MAGEA11: variants seen among roughly 807,000 people sequenced by gnomAD.
The protein encoded by MAGEA11 is MAGE family member A11, also known as melanoma-associated antigen 11.
Under a neutral mutation model 8.4 loss-of-function variants are expected in MAGEA11, and 1 was observed. The observed-to-expected ratio is 0.12, with a 90% CI of 0.04 to 0.57. The LOEUF (loss-of-function observed/expected upper bound fraction) is 0.57, where lower values mean the gene tolerates loss of function less well. Among genes scored for constraint, MAGEA11 ranks in the 20% least tolerant of loss-of-function variants. The probability of loss-of-function intolerance (pLI) is 0.91; values close to 1 mark genes in which losing one functional copy is unlikely to be tolerated. For missense variants in MAGEA11, 209 were observed against 317.3 expected (o/e 0.66, Z 2.59); for synonymous variants, 127 against 119.3 (o/e 1.06, Z -0.42).
chrX:149,691,872 C>T (rs1297259159), intron 1 of MAGEA11, among the ~76,000 whole-genome samples: 1 of 112,765 alleles, frequency 8.9e-6, no homozygotes, highest in Non-Finnish European at 1.9e-5. Context: ...TTTTCTATCT[C>T]TCATCGCTCA....
In MAGEA11 at chrX:149,692,709, C is replaced by T. The variant is rs72611293; in HGVS notation, c.9+3725C>T. 7.5e-4 allele frequency among the ~76,000 whole-genome samples: 84 copies of T among 111,740 alleles called. No homozygotes were observed. The East Asian group carries it at 0.02, about 27-fold the overall frequency. On this transcript the variant is annotated intron_variant, in intron 1 of 3. Transcript: ENST00000333104. ...TTTTCCACTATATTCTTTAACATGT[C>T]GATATGGTTTGGCTGTGTCCCCACC...
intron 1 of MAGEA11, among the ~76,000 whole-genome samples, chrX:149,701,570 A>G (rs1159163157): frequency 9.1e-6 from 1 of 109,299 alleles, no homozygotes; most frequent in Non-Finnish European, 1.9e-5. Context: ...CTTTAGTTTA[A>G]TTAGATCCCA....
rs1267384373 is a variant in MAGEA11, at chrX:149,716,819, A to G, written c.*43A>G. 8.9e-7 allele frequency: 1 copy of G among 1,118,052 alleles called. No individual in the cohort carries two copies. The highest frequency in any genetic ancestry group is 2.5e-4 in the Middle Eastern group (1 of 3,991). The allele number at this position is 1,118,052 out of a possible 1,213,427, so 92.1% of individuals were successfully genotyped here. A position where few individuals can be genotyped will look rare whatever the true frequency, so the allele number is the denominator to read the frequency against. Reference sequence around the variant, plus strand: ...GGCCAGCGGGCAGGGAAATGGGCCAATGCATGCTTCAGGGCCACACCCAGC... The same window carrying G: ...GGCCAGCGGGCAGGGAAATGGGCCAGTGCATGCTTCAGGGCCACACCCAGC... On this transcript the variant is annotated 3_prime_UTR_variant, in exon 5 of 5. Coordinates refer to ENST00000355220, the MANE Select transcript of MAGEA11 (RefSeq NM_005366.5).
intron 1 of MAGEA11, among the ~76,000 whole-genome samples, chrX:149,706,541 A>G (rs1569561382): frequency 8.9e-6 from 1 of 112,655 alleles, no homozygotes; most frequent in East Asian, 2.8e-4. Flanking sequence ...TTTATTATTT[A>G]CCAACCCCTA....
At chrX:149,701,757 A>G (rs1279310963) in intron 1 of MAGEA11, among the ~76,000 whole-genome samples, 1 of 111,162 alleles carries the variant, frequency 9.0e-6, no homozygotes, top group Non-Finnish European at 1.9e-5. Flanking sequence ...GGTGTAAGGA[A>G]GGGATCCAGT....
chrX:149,700,993 C>CTT (rs2090350587), intron 1 of MAGEA11, among the ~76,000 whole-genome samples: 1 of 108,608 alleles, frequency 9.2e-6, no homozygotes, highest in African/African-American at 3.4e-5. Flanking sequence ...GGTTCCAAGT[C>CTT]TTTGCTATTG....
At position 149,715,677 on chromosome X, in the gene MAGEA11, T is replaced by C; in HGVS notation, c.266T>C (p.Val89Ala). 8.3e-7 allele frequency: 1 copy of C among 1,200,770 alleles called. No homozygotes were observed. The highest frequency in any genetic ancestry group is 1.1e-6 in the Non-Finnish European group (1 of 885,913). Residue 89 changes from valine (V) to alanine (A), a missense_variant and splice_region_variant, in exon 4 of 5, where the codon GTG becomes GCG. Around this residue, in one of 2 missense-constraint regions of MAGEA11, gnomAD observed 131 missense variants for 138.5 expected, o/e 0.95. Coordinates refer to ENST00000355220, the MANE Select transcript of MAGEA11 (RefSeq NM_005366.5). Reference sequence around the variant, plus strand: ...CAGAGGATCACTGGAGGAGAACAAGTGTAAGTAGGCCTTTGTTAGATTCTC... The same window carrying C: ...CAGAGGATCACTGGAGGAGAACAAGCGTAAGTAGGCCTTTGTTAGATTCTC... ...RTQRITGGEQ[V>A]LWGPITQIFP...
chrX:149,706,856 C>A (rs1285245549), intron 1 of MAGEA11, among the ~76,000 whole-genome samples: 2 of 112,000 alleles, frequency 1.8e-5, no homozygotes, highest in Non-Finnish European at 3.8e-5. Flanking sequence ...TTAGATTCCA[C>A]CTTGCAAGGA....
intron 1 of MAGEA11, among the ~76,000 whole-genome samples, chrX:149,702,146 C>T (rs2090356953): frequency 9.0e-6 from 1 of 111,612 alleles, no homozygotes; most frequent in African/African-American, 3.3e-5. Flanking sequence ...GAAAAATATT[C>T]CGCTGTTTTG....
In MAGEA11 at chrX:149,716,722, T is replaced by C. The variant is rs1569561429; in HGVS notation, c.1236T>C (p.Thr412=). 3 of 1,207,945 alleles carry C rather than the reference T, an allele frequency of 2.5e-6. No homozygotes were observed. The highest frequency in any genetic ancestry group is 2.2e-6 in the Non-Finnish European group (2 of 893,677). ...CCAATGCCAATGGGAGGGATCCCAC[T>C]TCTTACCCATCCCTGTATGAAGATG... ...YIANANGRDP[T]SYPSLYEDAL... Residue 412 remains threonine, a synonymous_variant, in exon 5 of 5, where the codon ACT becomes ACC. Transcript: ENST00000355220.
intron 1 of MAGEA11, among the ~76,000 whole-genome samples, chrX:149,692,293 G>C (rs1458535481): frequency 5.4e-5 from 6 of 110,873 alleles, no homozygotes; most frequent in African/African-American, 2.0e-4. Context: ...TGTAATCCTG[G>C]CTATTCAGGT....
Position 149,715,928 on chromosome X carries a change from G to A in MAGEA11, c.442G>A (p.Ala148Thr). The A allele has an allele frequency of 8.3e-7, 1 of 1,211,701 alleles. No homozygotes were observed. Among genetic ancestry groups the A allele is most frequent in the Non-Finnish European group, 1.1e-6 (1 of 895,502 alleles). ...AQALQAEEQE[A>T]AFFSSTLNVG... Reference sequence around the variant, plus strand: ...GGCTCTCCAAGCTGAGGAGCAGGAGGCTGCCTTCTTCTCCTCTACTCTGAA... The same window carrying A: ...GGCTCTCCAAGCTGAGGAGCAGGAGACTGCCTTCTTCTCCTCTACTCTGAA... Residue 148 changes from alanine to threonine, a missense_variant, in exon 5 of 5, where the codon GCT becomes ACT. By Grantham distance (58) the Ala-to-Thr change is moderately conservative. This residue lies in a region of MAGEA11 where 131 missense variants were observed against 138.5 expected (regional missense o/e 0.95). Transcript: ENST00000355220.
At chrX:149,694,995 C>T (rs1557360445) in intron 1 of MAGEA11, among the ~76,000 whole-genome samples, 1 of 111,995 alleles carries the variant, frequency 8.9e-6, no homozygotes, top group Non-Finnish European at 1.9e-5. Flanking sequence ...GTTGAGATTA[C>T]AGGCATGAGC....
At chrX:149,704,966 C>G (rs1367130874) in intron 1 of MAGEA11, among the ~76,000 whole-genome samples, 8 of 112,690 alleles carry the variant, frequency 7.1e-5, no homozygotes, top group Admixed American at 4.7e-4. Context: ...TTTGCACTGA[C>G]CCTCAGTCTG....
intron 1 of MAGEA11, among the ~76,000 whole-genome samples, chrX:149,696,776 G>A (rs1480930806): frequency 9.0e-6 from 1 of 111,355 alleles, no homozygotes; most frequent in African/African-American, 3.3e-5. Flanking sequence ...TGCCACTGCT[G>A]GCCCTGACAC....
At chrX:149,695,418 A>C (rs192646027) in intron 1 of MAGEA11, among the ~76,000 whole-genome samples, 18 of 111,606 alleles carry the variant, frequency 1.6e-4, no homozygotes, top group Admixed American at 9.5e-4. Flanking sequence ...CAAAAAAAAA[A>C]CAAAAAACCT....
intron 1 of MAGEA11, among the ~76,000 whole-genome samples, chrX:149,692,805 G>A (rs782634861): frequency 8.9e-6 from 1 of 111,927 alleles, no homozygotes; most frequent in East Asian, 2.8e-4. Context: ...ATAAGGGCAG[G>A]TGTTTCCCCT....
chrX:149,699,896 C>A (rs1483374105), intron 1 of MAGEA11, among the ~76,000 whole-genome samples: 2 of 112,080 alleles, frequency 1.8e-5, no homozygotes, highest in Non-Finnish European at 3.8e-5. Flanking sequence ...CCTCAGGAAA[C>A]TTTCAATCAT....
At chrX:149,709,790 C>T (rs1340632900), upstream of MAGEA11, among the ~76,000 whole-genome samples, 3 of 111,531 alleles carry the variant, frequency 2.7e-5, no homozygotes, top group African/African-American at 9.8e-5. Flanking sequence ...TAGTAATCAT[C>T]CATGATAAAA....
Sources: gnomAD v4.1 joint callset for allele counts (sites outside exome capture counted in the v4.1 genomes callset) on GRCh38, gnomAD v4.1.1 for gene constraint, gnomAD v4.1.1 regional missense constraint, MANE v1.5 for transcripts, NCBI Gene and HGNC (gene_info 2026-07-23, HGNC 2026-07-21) for gene names.